The following RMP24 variants were observed in gnomAD, a reference collection of about 807,000 sequenced individuals.
RMP24 encodes the protein ribonuclease MRP protein subunit p24.
the RMP24 span, chr18:35,978,744 T>C: frequency 8.9e-7 from 1 of 1,120,110 alleles, no homozygotes; most frequent in South Asian, 1.9e-5. Flanking sequence ...ACACCGAGGA[T>C]AGCCAGTGCA....
chr18:35,972,966 C>G, the RMP24 span: 1 of 1,603,706 alleles, frequency 6.2e-7, no homozygotes, highest in South Asian at 1.1e-5. Flanking sequence ...TTCCTCTGTT[C>G]CGCACAACGC....
At chr18:35,978,974 T>C in the RMP24 span, 1 of 1,610,406 alleles carries the variant, frequency 6.2e-7, no homozygotes, top group Non-Finnish European at 8.5e-7. Context: ...CAGAAATTTC[T>C]TATCTTCTCT....
chr18:35,976,481 G>A, the RMP24 span, among the ~76,000 whole-genome samples: 1 of 152,112 alleles, frequency 6.6e-6, no homozygotes, highest in Non-Finnish European at 1.5e-5. Flanking sequence ...TGAGTCCTGT[G>A]CACAGTCAAT....
At chr18:35,977,534 G>A in the RMP24 span, 3 of 1,614,166 alleles carry the variant, frequency 1.9e-6, no homozygotes, top group South Asian at 2.2e-5. Context: ...ACACCAGAGA[G>A]AAGGACTGCA....
the RMP24 span, among the ~76,000 whole-genome samples, chr18:35,977,910 T>C: frequency 6.6e-6 from 1 of 152,252 alleles, no homozygotes; most frequent in Non-Finnish European, 1.5e-5. Context: ...CACTCAAACC[T>C]GTCCATCCTC....
At chr18:35,974,163 T>C in the RMP24 span, among the ~76,000 whole-genome samples, 1 of 152,228 alleles carries the variant, frequency 6.6e-6, no homozygotes, top group African/African-American at 2.4e-5. Flanking sequence ...CCCTCTGGTC[T>C]CTATAATATC....
the RMP24 span, among the ~76,000 whole-genome samples, chr18:35,978,635 C>A: frequency 5.9e-5 from 9 of 152,194 alleles, no homozygotes; most frequent in South Asian, 1.2e-3. Context: ...CTGAACCATT[C>A]ATAATACACT....
At chr18:35,974,076 C>A in the RMP24 span, among the ~76,000 whole-genome samples, 2 of 152,222 alleles carry the variant, frequency 1.3e-5, no homozygotes, top group Non-Finnish European at 2.9e-5. Flanking sequence ...TTTTCTGTTT[C>A]AGGGCCTTTG....
chr18:35,972,727 C>A, the RMP24 span: 5 of 1,607,038 alleles, frequency 3.1e-6, no homozygotes, highest in Non-Finnish European at 4.2e-6. Flanking sequence ...GCGGCGGCGG[C>A]GATGAGACAG....
the RMP24 span, chr18:35,979,061 CTT>C: frequency 1.4e-6 from 2 of 1,477,830 alleles, no homozygotes; most frequent in Non-Finnish European, 1.8e-6. Context: ...TTTTTAAACT[CTT>C]ATTCATTTTT....
chr18:35,975,214 T>G, the RMP24 span: 1 of 770,642 alleles, frequency 1.3e-6, no homozygotes, highest in Non-Finnish European at 2.0e-6. Flanking sequence ...ATTTGGATTA[T>G]CAAAATATAT....
chr18:35,976,946 G>A, the RMP24 span, among the ~76,000 whole-genome samples: 9 of 152,068 alleles, frequency 5.9e-5, no homozygotes, highest in East Asian at 5.8e-4. Flanking sequence ...AAAATTTGTC[G>A]GCTGGGCACA....
the RMP24 span, among the ~76,000 whole-genome samples, chr18:35,978,231 T>C: frequency 6.6e-6 from 1 of 152,236 alleles, no homozygotes; most frequent in South Asian, 2.1e-4. Flanking sequence ...GTGTAGCATA[T>C]GGATAAATGC....
At chr18:35,977,650 C>T in the RMP24 span, 6 of 1,558,718 alleles carry the variant, frequency 3.8e-6, no homozygotes, top group Non-Finnish European at 5.2e-6. Context: ...GTGTTTTCTT[C>T]TAATTTCCTG....
At chr18:35,977,598 C>T in the RMP24 span, 18 of 1,609,420 alleles carry the variant, frequency 1.1e-5, no homozygotes, top group Non-Finnish European at 1.4e-5. Context: ...CATCGGTTTT[C>T]AGGTATCTTA....
the RMP24 span, among the ~76,000 whole-genome samples, chr18:35,975,268 GCTTA>G: frequency 1.3e-5 from 2 of 152,154 alleles, no homozygotes; most frequent in African/African-American, 4.8e-5. Context: ...TATAAGGACA[GCTTA>G]CTTTTATTTT....
chr18:35,973,207 A>T, the RMP24 span: 1 of 529,298 alleles, frequency 1.9e-6, no homozygotes, highest in Non-Finnish European at 3.4e-6. Context: ...GGTTCCTCCT[A>T]ATCTCCCCAA....
chr18:35,978,321 C>T, the RMP24 span, among the ~76,000 whole-genome samples: 43 of 152,204 alleles, frequency 2.8e-4, no homozygotes, highest in African/African-American at 1.0e-3. Flanking sequence ...TATGTGCCAA[C>T]AAAACTGAAC....
chr18:35,977,728 T>C, the RMP24 span: 1 of 876,956 alleles, frequency 1.1e-6, no homozygotes. Flanking sequence ...CCATACCCTT[T>C]TCTAATGTCA....
Sources: gnomAD v4.1 joint callset for allele counts (sites outside exome capture counted in the v4.1 genomes callset) on GRCh38, gnomAD v4.1.1 for gene constraint, MANE v1.5 for transcripts, NCBI Gene and HGNC (gene_info 2026-07-23, HGNC 2026-07-21) for gene names.